Variants in KLHL1 observed in about 807,000 individuals in gnomAD.
The protein encoded by KLHL1 is kelch like family member 1.
In KLHL1, 47 loss-of-function variants were observed where a neutral mutation model predicts 77.7. That is an observed-to-expected ratio of 0.60 (90% confidence interval 0.48 to 0.77). KLHL1 has a LOEUF of 0.77. Among genes scored for constraint, KLHL1 ranks in the 30% least tolerant of loss-of-function variants. The probability of loss-of-function intolerance (pLI) is 0.00; values close to 1 mark genes in which losing one functional copy is unlikely to be tolerated. For missense variants in KLHL1, 925 were observed against 910.8 expected, an observed-to-expected ratio of 1.02 and a Z score of -0.20; for synonymous variants, 360 against 325.2, an observed-to-expected ratio of 1.11 and a Z score of -1.15.
chr13:69,992,675 A>G (rs566362312), intron 1 of KLHL1, among the ~76,000 whole-genome samples: 3 of 152,140 alleles, frequency 2.0e-5, no homozygotes, highest in African/African-American at 7.2e-5. Context: ...ATTTTACTTC[A>G]TTATTCCAAA....
At chr13:69,901,135 A>G (rs532335801) in intron 4 of KLHL1, among the ~76,000 whole-genome samples, 1 of 152,352 alleles carries the variant, frequency 6.6e-6, no homozygotes, top group South Asian at 2.1e-4. Flanking sequence ...TAGAATGGAA[A>G]CAACATTTAC....
intron 2 of KLHL1, among the ~76,000 whole-genome samples, chr13:69,964,675 C>T (rs913258667): frequency 5.9e-5 from 9 of 152,116 alleles, no homozygotes; most frequent in Admixed American, 3.3e-4. Context: ...TCATTTTACA[C>T]TCAATTTTTG....
intron 4 of KLHL1, among the ~76,000 whole-genome samples, chr13:69,934,596 T>C (rs17085674): frequency 0.05 from 7,548 of 152,074 alleles, 444 homozygotes; most frequent in African/African-American, 0.14. Flanking sequence ...TTCAAAATGT[T>C]CAATGGCATA....
At chr13:69,742,192 G>T (rs1874016758) in intron 7 of KLHL1, among the ~76,000 whole-genome samples, 2 of 152,214 alleles carry the variant, frequency 1.3e-5, no homozygotes, top group Middle Eastern at 3.4e-3. Flanking sequence ...TTATAGAAAA[G>T]AACTATAATT....
chr13:69,995,418 T>A (rs1324801820), intron 1 of KLHL1, among the ~76,000 whole-genome samples: 1 of 152,126 alleles, frequency 6.6e-6, no homozygotes, highest in Admixed American at 6.6e-5. Flanking sequence ...AATGTATAGA[T>A]CTTTTGTGTA....
intron 8 of KLHL1, among the ~76,000 whole-genome samples, chr13:69,727,687 A>T (rs1335612586): frequency 2.6e-5 from 4 of 152,162 alleles, no homozygotes; most frequent in Admixed American, 2.6e-4. Flanking sequence ...TTTAATTCTG[A>T]GGCATAATTT....
At chr13:70,050,478 TAA>T (rs1886603738) in intron 1 of KLHL1, among the ~76,000 whole-genome samples, 2 of 151,884 alleles carry the variant, frequency 1.3e-5, no homozygotes, top group African/African-American at 4.8e-5. Context: ...CATTTCTTCA[TAA>T]AGAGTATGAG....
intron 1 of KLHL1, among the ~76,000 whole-genome samples, chr13:69,996,265 T>C (rs1416211786): frequency 6.6e-6 from 1 of 151,816 alleles, no homozygotes; most frequent in Non-Finnish European, 1.5e-5. Flanking sequence ...ATCGCACCAT[T>C]GCACTTCAGC....
chr13:69,766,479 T>C lies in KLHL1; in HGVS notation c.1640-25923A>G, dbSNP rs112540612. On this transcript the variant is annotated intron_variant, in intron 7 of 10. Coordinates refer to ENST00000377844, the MANE Select transcript of KLHL1 (RefSeq NM_020866.3). ...TTATGTCACCTAATTTTTATATATA[T>C]ATACATATATATATATATTTAGAGT... 1.2e-3 allele frequency among the ~76,000 whole-genome samples: 183 copies of C among 149,942 alleles called. 2 individuals carry two copies. The highest frequency in any genetic ancestry group is 4.3e-3 in the African/African-American group (178 of 41,136).
chr13:69,812,153 G>A (rs1016000886), intron 6 of KLHL1, among the ~76,000 whole-genome samples: 4 of 151,902 alleles, frequency 2.6e-5, no homozygotes, highest in African/African-American at 7.3e-5. Context: ...CCTTCATTTC[G>A]TTATGTACCC....
chr13:70,107,653 C>A lies in KLHL1; in HGVS notation c.47G>T (p.Arg16Leu). The change falls in exon 1 of 11, where the codon CGA becomes CTA. Residue 16 changes from arginine to leucine, a missense_variant. Coordinates refer to ENST00000377844, the MANE Select transcript of KLHL1 (RefSeq NM_020866.3). ...GTGGCTGAAGAGTTTCCAGCGGAGTCGCAGAATGTGCTTCACATCGAAGTC... is the reference window on the plus strand; with the variant it reads ...GTGGCTGAAGAGTTTCCAGCGGAGTAGCAGAATGTGCTTCACATCGAAGTC... ...RKDFDVKHIL[R>L]LRWKLFSHPS... 6.5e-7 allele frequency: 1 copy of A among 1,546,800 alleles called. No individual in the cohort carries two copies. The highest frequency in any genetic ancestry group is 1.3e-5 in the South Asian group (1 of 78,794).
At chr13:69,852,509 A>T (rs931143346) in intron 5 of KLHL1, among the ~76,000 whole-genome samples, 2 of 151,976 alleles carry the variant, frequency 1.3e-5, no homozygotes, top group Non-Finnish European at 2.9e-5. Context: ...TATTTCAATT[A>T]TCTTTAACTA....
At chr13:70,046,001 GT>G (rs1566528987) in intron 1 of KLHL1, among the ~76,000 whole-genome samples, 1 of 152,154 alleles carries the variant, frequency 6.6e-6, no homozygotes, top group South Asian at 2.1e-4. Context: ...TAGTTAAGTT[GT>G]TTTTTGTAAT....
chr13:70,065,411 G>A (rs547539423), intron 1 of KLHL1, among the ~76,000 whole-genome samples: 2 of 152,208 alleles, frequency 1.3e-5, no homozygotes, highest in African/African-American at 4.8e-5. Flanking sequence ...CCTACACCTT[G>A]AGACATATTA....
At chr13:69,865,377 C>CAA (rs1566342139) in intron 5 of KLHL1, among the ~76,000 whole-genome samples, 1 of 152,114 alleles carries the variant, frequency 6.6e-6, no homozygotes, top group African/African-American at 2.4e-5. Context: ...TTGCTTTCTA[C>CAA]AAGTAGTTTA....
At chr13:70,005,488 T>G (rs768068898) in intron 1 of KLHL1, among the ~76,000 whole-genome samples, 1 of 151,986 alleles carries the variant, frequency 6.6e-6, no homozygotes, top group Non-Finnish European at 1.5e-5. Flanking sequence ...TTTTTTTAGC[T>G]CATCAGCTAT....
chr13:69,997,153 A>G (rs1885176069), intron 1 of KLHL1, among the ~76,000 whole-genome samples: 1 of 151,704 alleles, frequency 6.6e-6, no homozygotes, highest in Admixed American at 6.6e-5. Context: ...ACTGGTAGAC[A>G]GAGGTTGCAG....
intron 2 of KLHL1, among the ~76,000 whole-genome samples, chr13:69,967,982 A>G (rs150209610): frequency 2.6e-5 from 4 of 152,260 alleles, no homozygotes; most frequent in East Asian, 3.9e-4. Context: ...ATTTTGAAAG[A>G]AGTTATACCG....
chr13:69,960,110 C>CTT (rs58284665), intron 3 of KLHL1, among the ~76,000 whole-genome samples: 100,223 of 124,110 alleles, frequency 0.81, 41,009 homozygotes, highest in Non-Finnish European at 0.87. Context: ...AGCATGTGTA[C>CTT]TTTTTTTTTT....
Sources: gnomAD v4.1 joint callset for allele counts (sites outside exome capture counted in the v4.1 genomes callset) on GRCh38, gnomAD v4.1.1 for gene constraint, MANE v1.5 for transcripts, NCBI Gene and HGNC (gene_info 2026-07-23, HGNC 2026-07-21) for gene names.